Variants in GRID2 observed in about 807,000 individuals in gnomAD.
GRID2 encodes the protein glutamate ionotropic receptor delta type subunit 2.
GRID2 carries 33 observed loss-of-function variants against 114.8 expected under a neutral mutation model. The observed-to-expected ratio is 0.29, with a 90% CI of 0.22 to 0.38. GRID2 has a LOEUF of 0.38. Ranked by LOEUF, GRID2 falls within the 10% of genes least tolerant of loss-of-function variation. The pLI is 1.00. For missense variants in GRID2, 1,184 were observed against 1,257.7 expected (o/e 0.94, Z 0.89); for synonymous variants, 505 against 449.9 (o/e 1.12, Z -1.55).
At chr4:92,343,228 T>C (rs1727597247) in intron 1 of GRID2, among the ~76,000 whole-genome samples, 2 of 151,842 alleles carry the variant, frequency 1.3e-5, no homozygotes, top group South Asian at 4.1e-4. Context: ...TGGTGGGTGA[T>C]GTTACCAACT....
chr4:93,130,714 C>T (rs1286673483), intron 4 of GRID2, among the ~76,000 whole-genome samples: 1 of 152,010 alleles, frequency 6.6e-6, no homozygotes, highest in African/African-American at 2.4e-5. Flanking sequence ...TTCATGAGGT[C>T]GAGCTCTTTA....
chr4:93,094,628 A>T (rs1345531706), intron 3 of GRID2, among the ~76,000 whole-genome samples: 1 of 152,046 alleles, frequency 6.6e-6, no homozygotes, highest in East Asian at 1.9e-4. Flanking sequence ...TTGAATTAGT[A>T]TCTGGAGAGT....
At position 93,313,744 on chromosome 4, in the gene GRID2, A is replaced by G. The variant is rs188259841; in HGVS notation, c.1245+75254A>G. On this transcript the variant is annotated intron_variant, in intron 8 of 15. Coordinates refer to ENST00000282020, the MANE Select transcript of GRID2 (RefSeq NM_001510.4). ...TGATAATCAGTTATGAGATGCCACT[A>G]GATATCCTCAAAGCTATTATGCAAA... is the stretch of plus-strand genomic sequence containing the variant. Among the ~76,000 whole-genome samples the G allele has an allele frequency of 1.8e-3, 272 of 152,300 alleles. 2 individuals carry two copies. The highest frequency in any genetic ancestry group is 6.1e-3 in the African/African-American group (253 of 41,574).
intron 2 of GRID2, among the ~76,000 whole-genome samples, chr4:92,811,988 T>G (rs1001488220): frequency 6.6e-6 from 1 of 152,108 alleles, no homozygotes. Flanking sequence ...ATCTTGAGAA[T>G]AGGCATTTTG....
chr4:92,809,853 T>C (rs1323590624), intron 2 of GRID2, among the ~76,000 whole-genome samples: 2 of 152,056 alleles, frequency 1.3e-5, no homozygotes, highest in Non-Finnish European at 2.9e-5. Flanking sequence ...ATGTTGTAAA[T>C]ATATCATAAT....
chr4:93,491,045 AT>A (rs1726950271), intron 12 of GRID2, among the ~76,000 whole-genome samples: 1 of 151,956 alleles, frequency 6.6e-6, no homozygotes, highest in Admixed American at 6.6e-5. Flanking sequence ...CATCTTCAGA[AT>A]TTTAGTGTCC....
At chr4:93,004,818 A>C (rs1721339929) in intron 2 of GRID2, among the ~76,000 whole-genome samples, 2 of 152,056 alleles carry the variant, frequency 1.3e-5, no homozygotes, top group South Asian at 4.1e-4. Context: ...TTCAATGGCC[A>C]GTTCTCTGTC....
intron 2 of GRID2, among the ~76,000 whole-genome samples, chr4:92,894,152 A>G (rs1746988547): frequency 6.6e-6 from 1 of 152,186 alleles, no homozygotes; most frequent in African/African-American, 2.4e-5. Flanking sequence ...TTTTGTCCAC[A>G]TGGTAGAGAA....
chr4:92,511,966 C>T (rs565351401), intron 1 of GRID2, among the ~76,000 whole-genome samples: 2 of 151,898 alleles, frequency 1.3e-5, no homozygotes, highest in Admixed American at 6.6e-5. Flanking sequence ...TATAATACCT[C>T]AGTCTCCCAT....
chr4:92,465,892 A>G (rs1238535879), intron 1 of GRID2, among the ~76,000 whole-genome samples: 2 of 152,004 alleles, frequency 1.3e-5, no homozygotes, highest in East Asian at 3.9e-4. Context: ...AATTTCATTT[A>G]TTTACAACTA....
chr4:93,096,762 A>G (rs921855203), intron 3 of GRID2, among the ~76,000 whole-genome samples: 2 of 151,958 alleles, frequency 1.3e-5, no homozygotes, highest in Non-Finnish European at 2.9e-5. Flanking sequence ...GCTGTTTGGC[A>G]ATTTTTTACC....
At chr4:93,370,497 A>ACG (rs1762784154) in intron 8 of GRID2, among the ~76,000 whole-genome samples, 3 of 151,680 alleles carry the variant, frequency 2.0e-5, no homozygotes, top group Non-Finnish European at 4.4e-5. Flanking sequence ...ACACGCACAC[A>ACG]CACACACACG....
rs116415243 is a variant in GRID2, at chr4:92,443,890, C to G, written c.88+139146C>G. On this transcript the variant is annotated intron_variant, in intron 1 of 15. Transcript: ENST00000282020. ...GAAGGCTGCCTTTCCAGTCTGTGAC[C>G]GGCACCAGAGTTTTGGGTCCACAGA... 4.0e-3 allele frequency among the ~76,000 whole-genome samples: 610 copies of G among 152,226 alleles called. 7 individuals are homozygous for G. Among genetic ancestry groups the G allele is most frequent in the African/African-American group, 0.014 (577 of 41,526 alleles).
At chr4:93,188,452 C>T (rs1355832739) in intron 4 of GRID2, among the ~76,000 whole-genome samples, 1 of 152,118 alleles carries the variant, frequency 6.6e-6, no homozygotes, top group Non-Finnish European at 1.5e-5. Context: ...TTCCCAAGGT[C>T]CTGGATTTCT....
intron 8 of GRID2, among the ~76,000 whole-genome samples, chr4:93,291,199 T>TTA (rs1753725323): frequency 6.6e-6 from 1 of 152,064 alleles, no homozygotes; most frequent in Admixed American, 6.6e-5. Flanking sequence ...TTAAAATATT[T>TTA]TATATATATG....
At chr4:92,904,290 A>G (rs892825534) in intron 2 of GRID2, among the ~76,000 whole-genome samples, 280 of 150,824 alleles carry the variant, frequency 1.9e-3, no homozygotes, top group African/African-American at 6.5e-3. Context: ...TTTTACACAT[A>G]CATACCCAAA....
chr4:92,784,992 T>C (rs1250318568), intron 2 of GRID2, among the ~76,000 whole-genome samples: 1 of 151,780 alleles, frequency 6.6e-6, no homozygotes, highest in Non-Finnish European at 1.5e-5. Flanking sequence ...TAAATCCTTT[T>C]AGAATGTGGA....
intron 8 of GRID2, among the ~76,000 whole-genome samples, chr4:93,359,621 C>CAA (rs981800378): frequency 6.6e-6 from 1 of 150,962 alleles, no homozygotes; most frequent in Admixed American, 6.6e-5. Flanking sequence ...ACTATAAGTT[C>CAA]AATTGTTTTG....
chr4:92,752,066 G>A (rs1053227630), intron 2 of GRID2, among the ~76,000 whole-genome samples: 7 of 152,194 alleles, frequency 4.6e-5, no homozygotes, highest in Admixed American at 4.6e-4. Flanking sequence ...ACAGTGCTTG[G>A]TAAACACATG....
Sources: allele counts gnomAD v4.1 joint callset (sites outside exome capture counted in the v4.1 genomes callset), GRCh38; gene constraint gnomAD v4.1.1; transcripts MANE v1.5; gene names NCBI Gene and HGNC (gene_info 2026-07-23, HGNC 2026-07-21).